The following CFAP91 variants were observed in gnomAD, a reference collection of about 807,000 sequenced individuals.
The protein encoded by CFAP91 is cilia- and flagella-associated protein 91.
In CFAP91, 85 loss-of-function variants were observed where a neutral mutation model predicts 95.9. The ratio of observed to expected loss-of-function variants is 0.89; its 90% CI spans 0.74 to 1.06. The LOEUF (loss-of-function observed/expected upper bound fraction) is 1.06, where lower values mean the gene tolerates loss of function less well. Among genes scored for constraint, CFAP91 ranks in the 50% least tolerant of loss-of-function variants. The pLI is 0.00. For missense variants in CFAP91, 962 were observed against 943.4 expected (o/e 1.02, Z -0.26); for synonymous variants, 335 against 327.5 (o/e 1.02, Z -0.25).
At chr3:119,753,036 A>T (rs1166310594) in intron 17 of CFAP91, among the ~76,000 whole-genome samples, 1 of 152,192 alleles carries the variant, frequency 6.6e-6, no homozygotes, top group African/African-American at 2.4e-5. Context: ...TGGGCCACTG[A>T]TTTAAAATAC....
At position 119,739,329 on chromosome 3, in the gene CFAP91, G is replaced by A; in HGVS notation, c.1533+3G>A. 2 of 1,613,706 alleles carry A rather than the reference G, an allele frequency of 1.2e-6. No individual in the cohort carries two copies. Among genetic ancestry groups the A allele is most frequent in the Non-Finnish European group, 1.7e-6 (2 of 1,179,604 alleles). Reference sequence around the variant, plus strand: ...GGGGCAGAGTCGTTCAGAACATGGTGTGTAGGTCCAACCGCTGGCCCTGCA... The same window carrying A: ...GGGGCAGAGTCGTTCAGAACATGGTATGTAGGTCCAACCGCTGGCCCTGCA... On this transcript the variant is annotated splice_donor_region_variant and intron_variant, in intron 12 of 17. Transcript: ENST00000273390.
intron 15 of CFAP91, 111 bp downstream of exon 15, chr3:119,747,374 C>T (rs2054242478): frequency 4.9e-6 from 6 of 1,220,896 alleles, no homozygotes; most frequent in Non-Finnish European, 6.8e-6. Context: ...ATAACTCATA[C>T]TTCAGCGTCC....
chr3:119,761,600 TAA>T (rs951547220), intron 17 of CFAP91, among the ~76,000 whole-genome samples: 4 of 151,602 alleles, frequency 2.6e-5, no homozygotes, highest in Admixed American at 1.3e-4. Flanking sequence ...TCAAAAAAAG[TAA>T]CAAACTAAAT....
chr3:119,734,625 C>T (rs2053966351), intron 10 of CFAP91, among the ~76,000 whole-genome samples: 1 of 152,064 alleles, frequency 6.6e-6, no homozygotes, highest in Non-Finnish European at 1.5e-5. Context: ...GATGAACCTG[C>T]CTTGGTCAGA....
chr3:119,733,336 AC>A, intron 9 of CFAP91, 27 bp from the exon 10 acceptor site: 1 of 1,611,002 alleles, frequency 6.2e-7, no homozygotes. Flanking sequence ...AGCACTGGAT[AC>A]TAAAAACATG....
rs1278415257 is a variant in CFAP91, at chr3:119,715,615, C to G, written c.554C>G (p.Ser185Ter). The G allele has an allele frequency of 1.2e-6, 2 of 1,613,978 alleles. No individual in the cohort carries two copies. The highest frequency in any genetic ancestry group is 1.7e-5 in the Admixed American group (1 of 60,022). The change falls in exon 6 of 18, where the codon TCA becomes TGA. Residue 185 changes from serine (S) to a stop codon, truncating the protein, a stop_gained. Coordinates refer to ENST00000273390, the MANE Select transcript of CFAP91 (RefSeq NM_033364.4). LOFTEE classifies it high-confidence loss of function. The part of the protein sequence containing the change: ...PTSTKHLSIP[S>*]KSTVGTQTDY... ...TCTACTAAGCACCTATCCATCCCTT[C>G]AAAGTCTACTGTGGGCACTCAGACT...
intron 14 of CFAP91, among the ~76,000 whole-genome samples, chr3:119,746,155 A>G (rs758543842): frequency 6.6e-6 from 1 of 152,234 alleles, no homozygotes; most frequent in Non-Finnish European, 1.5e-5. Context: ...GCAAAATTAT[A>G]GAGAAAAGAA....
chr3:119,739,298 T>TA lies in CFAP91; in HGVS notation c.1506dup (p.Leu503ThrfsTer12), dbSNP rs760446700. The TA allele has an allele frequency of 1.2e-6, 2 of 1,614,194 alleles. No homozygotes were observed. The highest frequency in any genetic ancestry group is 2.2e-5 in the East Asian group (1 of 44,890). On this transcript the variant is annotated frameshift_variant, in exon 12 of 18. Coordinates refer to ENST00000273390, the MANE Select transcript of CFAP91 (RefSeq NM_033364.4). LOFTEE classifies it high-confidence loss of function. ...ATGGCTGTGATCTACCTTCAAAAGT[T>TA]ACTCCGGGGCAGAGTCGTTCAGAAC...
intron 8 of CFAP91, among the ~76,000 whole-genome samples, chr3:119,731,463 A>G (rs2053896096): frequency 6.6e-6 from 1 of 152,242 alleles, no homozygotes; most frequent in Non-Finnish European, 1.5e-5. Flanking sequence ...GATACAATCA[A>G]CATTTGTTTC....
chr3:119,707,417 G>C lies in CFAP91; in HGVS notation c.215G>C (p.Arg72Thr). The C allele has an allele frequency of 6.4e-7, 1 of 1,556,130 alleles. No homozygotes were observed. The highest frequency in any genetic ancestry group is 8.8e-7 in the Non-Finnish European group (1 of 1,142,422). Residue 72 changes from arginine to threonine, a missense_variant, in exon 3 of 18, where the codon AGG becomes ACG. Coordinates refer to ENST00000273390, the MANE Select transcript of CFAP91 (RefSeq NM_033364.4). ...CTCTAACATTAGAGAAAAGTTCCCA[G>C]GTTTAAAACCATGTTCAGTAACCTG... ...LIRSRLRKVPRFKTMFSNLIH... is the reference protein window; with the variant it reads ...LIRSRLRKVPTFKTMFSNLIH...
chr3:119,705,053 G>A (rs776713301), intron 1 of CFAP91, among the ~76,000 whole-genome samples: 2 of 152,130 alleles, frequency 1.3e-5, no homozygotes, highest in African/African-American at 4.8e-5. Context: ...TTCTAAGAAC[G>A]TATCCCCATC....
intron 13 of CFAP91, among the ~76,000 whole-genome samples, chr3:119,742,361 T>G (rs141073542): frequency 2.6e-5 from 4 of 152,288 alleles, no homozygotes; most frequent in Middle Eastern, 3.4e-3. Flanking sequence ...TATATTTCTG[T>G]GGAAAACAGT....
chr3:119,723,797 C>T (rs1001218541), intron 6 of CFAP91, among the ~76,000 whole-genome samples: 10 of 152,038 alleles, frequency 6.6e-5, no homozygotes, highest in Admixed American at 2.0e-4. Context: ...GTAAAACAGG[C>T]GTAATTATGT....
chr3:119,740,947 C>T (rs775301054), intron 13 of CFAP91: 321 of 455,576 alleles, frequency 7.0e-4, no homozygotes, highest in Middle Eastern at 4.6e-3. Context: ...CTCTGCCTCA[C>T]GGGTTCAAAT....
chr3:119,762,901 T>C (rs530857537), intron 17 of CFAP91, among the ~76,000 whole-genome samples: 1 of 152,128 alleles, frequency 6.6e-6, no homozygotes, highest in Admixed American at 6.5e-5. Context: ...GCTCCTAACA[T>C]TGGTCTGGAT....
intron 17 of CFAP91, among the ~76,000 whole-genome samples, chr3:119,760,117 A>C (rs989470570): frequency 6.6e-6 from 1 of 151,852 alleles, no homozygotes; most frequent in Non-Finnish European, 1.5e-5. Context: ...ATGAGACCTA[A>C]CTATGTCCAG....
rs752361944 is a variant in CFAP91, at chr3:119,744,169, G to C, written c.1875G>C (p.Leu625=). 3.7e-6 allele frequency: 6 copies of C among 1,613,556 alleles called. No homozygotes were observed. The highest frequency in any genetic ancestry group is 3.4e-6 in the Non-Finnish European group (4 of 1,179,654). ...GGCGCCAGGTGGAAAAACAGCGCCT[G>C]CGGGAGGAGGACGAGATATTTAAGG... is the stretch of plus-strand genomic sequence containing the variant. The part of the protein sequence containing the change: ...SGRRQVEKQR[L]REEDEIFKEV... The change falls in exon 14 of 18, where the codon CTG becomes CTC. Residue 625 remains leucine, a synonymous_variant. Transcript: ENST00000273390.
chr3:119,707,532 A>G lies in CFAP91; in HGVS notation c.330A>G (p.Lys110=). 2 of 1,588,188 alleles carry G rather than the reference A, an allele frequency of 1.3e-6. No individual in the cohort carries two copies. Among genetic ancestry groups the G allele is most frequent in the South Asian group, 2.3e-5 (2 of 87,408 alleles). ...GGGAATGGAAGGGACATAAGGAGAA[A>G]CACAGAGAAGCCCTCCGGCAGCTCA... is the stretch of plus-strand genomic sequence containing the variant. ...ISREWKGHKE[K]HREALRQLTT... is the part of the protein sequence containing the mutation. The change falls in exon 3 of 18, where the codon AAA becomes AAG. Residue 110 remains lysine, a synonymous_variant. Coordinates refer to ENST00000273390, the MANE Select transcript of CFAP91 (RefSeq NM_033364.4).
chr3:119,711,254 C>T (rs1484321269), intron 5 of CFAP91, among the ~76,000 whole-genome samples: 4 of 152,046 alleles, frequency 2.6e-5, no homozygotes, highest in African/African-American at 7.2e-5. Flanking sequence ...GTACAGATTC[C>T]CTGCTCTCCC....
Sources: allele counts gnomAD v4.1 joint callset (sites outside exome capture counted in the v4.1 genomes callset), GRCh38; gene constraint gnomAD v4.1.1; transcripts MANE v1.5; gene names NCBI Gene and HGNC (gene_info 2026-07-23, HGNC 2026-07-21).